Variants in FAM151B observed in about 807,000 individuals in gnomAD.
FAM151B encodes the protein family with sequence similarity 151 member B.
FAM151B carries 24 observed loss-of-function variants against 31.2 expected under a neutral mutation model. The ratio of observed to expected loss-of-function variants is 0.77; its 90% CI spans 0.56 to 1.08. FAM151B has a LOEUF of 1.08. Ranked by LOEUF, FAM151B falls within the 50% of genes least tolerant of loss-of-function variation. FAM151B has a pLI of 0.00. For missense variants in FAM151B, 293 were observed against 328.6 expected (o/e 0.89, Z 0.84); for synonymous variants, 105 against 111.4 (o/e 0.94, Z 0.36).
intron 4 of FAM151B, among the ~76,000 whole-genome samples, chr5:80,521,115 C>CAT (rs1744687333): frequency 1.0e-5 from 1 of 97,524 alleles, no homozygotes; most frequent in South Asian, 3.2e-4. Flanking sequence ...CTGCACCTGG[C>CAT]CTTTTTTTTT....
At chr5:80,534,787 A>C (rs1449727876) in intron 5 of FAM151B, among the ~76,000 whole-genome samples, 1 of 151,924 alleles carries the variant, frequency 6.6e-6, no homozygotes, top group Non-Finnish European at 1.5e-5. Context: ...TATATAAAGG[A>C]CATCCAAATT....
chr5:80,538,463 T>TTTCC (rs764672269), intron 5 of FAM151B, among the ~76,000 whole-genome samples: 29 of 115,326 alleles, frequency 2.5e-4, no homozygotes, highest in African/African-American at 9.2e-4. Flanking sequence ...TCTTTCTTTC[T>TTTCC]TTCTTTCTTT....
intron 5 of FAM151B, among the ~76,000 whole-genome samples, chr5:80,527,257 T>C (rs1745011592): frequency 6.6e-6 from 1 of 152,038 alleles, no homozygotes; most frequent in African/African-American, 2.4e-5. Context: ...ACCCCATCTC[T>C]ACTAAAAATA....
At chr5:80,519,541 C>G (rs1465586288) in intron 3 of FAM151B, 152 bp from the exon 4 acceptor site, 4 of 643,124 alleles carry the variant, frequency 6.2e-6, no homozygotes, top group Non-Finnish European at 1.1e-5. Context: ...TTAGCTTTTC[C>G]CTCTGGTGCT....
intron 5 of FAM151B, among the ~76,000 whole-genome samples, chr5:80,530,415 G>A (rs1335580932): frequency 6.6e-6 from 1 of 152,102 alleles, no homozygotes; most frequent in Non-Finnish European, 1.5e-5. Context: ...GAAATAAAGG[G>A]TATTCAATTA....
At chr5:80,514,948 C>CT (rs999682529) in intron 3 of FAM151B, among the ~76,000 whole-genome samples, 7 of 152,024 alleles carry the variant, frequency 4.6e-5, no homozygotes, top group African/African-American at 1.4e-4. Context: ...AGATCATAAA[C>CT]TTTTTTTTCG....
At chr5:80,490,425 A>G (rs527787502) in intron 1 of FAM151B, among the ~76,000 whole-genome samples, 3 of 152,240 alleles carry the variant, frequency 2.0e-5, no homozygotes, top group Non-Finnish European at 2.9e-5. Flanking sequence ...CAATTTGCAT[A>G]CTATTAATAT....
chr5:80,515,619 G>T (rs1369224271), intron 3 of FAM151B, among the ~76,000 whole-genome samples: 1 of 152,140 alleles, frequency 6.6e-6, no homozygotes, highest in Non-Finnish European at 1.5e-5. Flanking sequence ...TAGCACAAAA[G>T]CGCTGAGCCT....
chr5:80,488,608 T>C (rs1378514660), intron 1 of FAM151B, among the ~76,000 whole-genome samples: 1 of 152,214 alleles, frequency 6.6e-6, no homozygotes, highest in Non-Finnish European at 1.5e-5. Flanking sequence ...GCTCGCTTGA[T>C]TCCCCTTGGA....
chr5:80,528,971 G>T (rs1725757832), intron 5 of FAM151B, among the ~76,000 whole-genome samples: 1 of 152,058 alleles, frequency 6.6e-6, no homozygotes, highest in Admixed American at 6.6e-5. Flanking sequence ...TTCCAAAATT[G>T]ACCACATAGT....
At chr5:80,508,767 C>T (rs1744077384) in intron 2 of FAM151B, among the ~76,000 whole-genome samples, 1 of 152,156 alleles carries the variant, frequency 6.6e-6, no homozygotes, top group Admixed American at 6.5e-5. Context: ...AGACCTCTCT[C>T]TACTTTGGTA....
At chr5:80,517,116 G>T (rs1187232862) in intron 3 of FAM151B, among the ~76,000 whole-genome samples, 1 of 151,928 alleles carries the variant, frequency 6.6e-6, no homozygotes, top group East Asian at 1.9e-4. Context: ...CAAGAAGAAG[G>T]GTGAGTACGG....
At chr5:80,502,817 A>AT (rs1743798136) in intron 2 of FAM151B, among the ~76,000 whole-genome samples, 1 of 152,138 alleles carries the variant, frequency 6.6e-6, no homozygotes, top group Non-Finnish European at 1.5e-5. Context: ...TTTAAATTGT[A>AT]TTTTTCTCCT....
In FAM151B at chr5:80,522,026, G is replaced by C. The variant is rs2112645381; in HGVS notation, c.559G>C (p.Glu187Gln). 2 of 1,596,792 alleles carry C rather than the reference G, an allele frequency of 1.3e-6. No individual in the cohort carries two copies. Among genetic ancestry groups the C allele is most frequent in the Non-Finnish European group, 1.7e-6 (2 of 1,167,260 alleles). Residue 187 changes from glutamate (E) to glutamine (Q), a missense_variant, in exon 5 of 6, where the codon GAG (glutamate) becomes CAG (glutamine). Transcript: ENST00000282226. ...NEGYSWTMVK[E>Q]MEYICNELSQ... ...AGGGTACAGTTGGACAATGGTGAAAGAGATGGAATATATATGTAATGAACT... is the reference window on the plus strand; with the variant it reads ...AGGGTACAGTTGGACAATGGTGAAACAGATGGAATATATATGTAATGAACT...
At chr5:80,529,253 T>A (rs1221928654) in intron 5 of FAM151B, among the ~76,000 whole-genome samples, 1 of 152,062 alleles carries the variant, frequency 6.6e-6, no homozygotes, top group Non-Finnish European at 1.5e-5. Context: ...TAGAGGGAAA[T>A]TTATAGCACT....
At chr5:80,509,378 T>C (rs1158055306) in intron 2 of FAM151B, among the ~76,000 whole-genome samples, 2 of 152,072 alleles carry the variant, frequency 1.3e-5, no homozygotes. Flanking sequence ...TTAAAGGACT[T>C]TGGAAAGTGG....
intron 2 of FAM151B, among the ~76,000 whole-genome samples, chr5:80,510,379 A>G (rs1580427004): frequency 6.6e-6 from 1 of 152,186 alleles, no homozygotes; most frequent in Non-Finnish European, 1.5e-5. Context: ...GTAATCTTGC[A>G]TGAATGTCTT....
chr5:80,520,861 T>C (rs777391803), intron 4 of FAM151B, among the ~76,000 whole-genome samples: 1 of 147,774 alleles, frequency 6.8e-6, no homozygotes, highest in Non-Finnish European at 1.5e-5. Flanking sequence ...CAGGCTGGAG[T>C]GCAGTGGTGT....
At chr5:80,515,953 C>A (rs1292075584) in intron 3 of FAM151B, among the ~76,000 whole-genome samples, 1 of 152,210 alleles carries the variant, frequency 6.6e-6, no homozygotes, top group Non-Finnish European at 1.5e-5. Context: ...GTAAGAGCAG[C>A]TGAATGACCT....
Sources: allele counts gnomAD v4.1 joint callset (sites outside exome capture counted in the v4.1 genomes callset), GRCh38; gene constraint gnomAD v4.1.1; transcripts MANE v1.5; gene names NCBI Gene and HGNC (gene_info 2026-07-23, HGNC 2026-07-21).